PRKRIP1: variants seen among roughly 807,000 people sequenced by gnomAD.
The protein encoded by PRKRIP1 is PRKR-interacting protein 1.
A neutral mutation model predicts 29.3 loss-of-function variants in PRKRIP1; 29 were observed. The observed-to-expected ratio is 0.99, with a 90% CI of 0.74 to 1.35. The LOEUF is 1.35. PRKRIP1 is among the 40% of genes most tolerant of loss of function. The probability of loss-of-function intolerance (pLI) is 0.00; values close to 1 mark genes in which losing one functional copy is unlikely to be tolerated. For synonymous variants in PRKRIP1, 90 were observed against 85.1 expected, an observed-to-expected ratio of 1.06 and a Z score of -0.32; for missense variants, 247 against 236.8, an observed-to-expected ratio of 1.04 and a Z score of -0.28.
chr7:102,407,796 C>CCTGTCCTCAGGCT, intron 5 of PRKRIP1, among the ~76,000 whole-genome samples: 1 of 152,290 alleles, frequency 6.6e-6, no homozygotes, highest in Middle Eastern at 3.4e-3. Context: ...GTCCTGATGT[C>CCTGTCCTCAGGCT]CTGTCCTCAG....
chr7:102,401,194 CATA>C (rs1298519202), intron 3 of PRKRIP1, among the ~76,000 whole-genome samples: 4 of 152,050 alleles, frequency 2.6e-5, no homozygotes, highest in Non-Finnish European at 5.9e-5. Context: ...GCTGGGAAGA[CATA>C]ATACAGTGCA....
intron 5 of PRKRIP1, among the ~76,000 whole-genome samples, chr7:102,408,067 G>T (rs782214394): frequency 6.6e-6 from 1 of 152,174 alleles, no homozygotes; most frequent in Non-Finnish European, 1.5e-5. Flanking sequence ...GTAGGTGGCA[G>T]CGTGATGTGG....
intron 3 of PRKRIP1, among the ~76,000 whole-genome samples, chr7:102,401,269 A>G (rs782743413): frequency 2.6e-4 from 39 of 152,244 alleles, no homozygotes; most frequent in Non-Finnish European, 5.3e-4. Flanking sequence ...CACAACAGGA[A>G]TTGTTGAGTC....
rs141344041 is a variant in PRKRIP1 at position 102,420,886 on chromosome 7, C to T, written c.458-4128C>T. On this transcript the variant is annotated intron_variant, in intron 5 of 5. Transcript: ENST00000397912. ...GTCTCCCAGGGACAGAAGACCCTCC[C>T]AGCCTCCTTCAGCTGCAATACAACC... 3.8e-3 allele frequency among the ~76,000 whole-genome samples: 572 copies of T among 152,262 alleles called. 6 individuals carry two copies. Among genetic ancestry groups the T allele is most frequent in the African/African-American group, 0.013 (555 of 41,542 alleles).
chr7:102,404,425 C>T (rs1796157710), intron 3 of PRKRIP1, 173 bp from the exon 4 acceptor site: 1 of 633,830 alleles, frequency 1.6e-6, no homozygotes, highest in Non-Finnish European at 2.9e-6. Context: ...GTATTGATTA[C>T]CTGCCCTGCC....
intron 5 of PRKRIP1, among the ~76,000 whole-genome samples, chr7:102,419,845 TTGTG>T (rs56752508): frequency 0.043 from 6,094 of 142,630 alleles, 141 homozygotes; most frequent in Non-Finnish European, 0.051. Flanking sequence ...TTTTGTGTTT[TTGTG>T]TGTGTGTGTG....
At chr7:102,423,318 G>T in intron 5 of PRKRIP1, 1 of 383,722 alleles carries the variant, frequency 2.6e-6, no homozygotes, top group South Asian at 1.9e-5. Context: ...TTTCCCCCAT[G>T]TTGGTCAGGC....
At chr7:102,399,873 T>C (rs1469123020) in intron 3 of PRKRIP1, among the ~76,000 whole-genome samples, 3 of 151,822 alleles carry the variant, frequency 2.0e-5, no homozygotes, top group South Asian at 2.1e-4. Flanking sequence ...GCCAGGTGCA[T>C]GCTTGTAATC....
Sources: allele counts gnomAD v4.1 joint callset (sites outside exome capture counted in the v4.1 genomes callset), GRCh38; gene constraint gnomAD v4.1.1; transcripts MANE v1.5; gene names NCBI Gene and HGNC (gene_info 2026-07-23, HGNC 2026-07-21).